Variants in RTF2 observed in about 807,000 individuals in gnomAD.
RTF2 encodes the protein UPF0549 protein C20orf43.
RTF2 carries 18 observed loss-of-function variants against 38.0 expected under a neutral mutation model. The ratio of observed to expected loss-of-function variants is 0.47; its 90% CI spans 0.33 to 0.70. RTF2 has a LOEUF of 0.70. Ranked by LOEUF, RTF2 falls within the 30% of genes least tolerant of loss-of-function variation. The probability of loss-of-function intolerance (pLI) is 0.02; values close to 1 mark genes in which losing one functional copy is unlikely to be tolerated. For synonymous variants in RTF2, 126 were observed against 137.1 expected (o/e 0.92, Z 0.57); for missense variants, 311 against 379.6 (o/e 0.82, Z 1.50).
intron 5 of RTF2, among the ~76,000 whole-genome samples, chr20:56,493,417 G>A (rs989378811): frequency 6.6e-6 from 1 of 152,084 alleles, no homozygotes; most frequent in Non-Finnish European, 1.5e-5. Flanking sequence ...CAGCACTTTG[G>A]GAGGCCAAAG....
At chr20:56,517,074 T>C in intron 7 of RTF2, 32 bp from the exon 8 acceptor site, 1 of 1,612,414 alleles carries the variant, frequency 6.2e-7, no homozygotes. Context: ...TTTTGCATTG[T>C]TTTTGCTTTG....
chr20:56,501,086 CA>C (rs1209487909), intron 5 of RTF2, among the ~76,000 whole-genome samples: 1 of 152,130 alleles, frequency 6.6e-6, no homozygotes, highest in Non-Finnish European at 1.5e-5. Flanking sequence ...TTAAGGCAGT[CA>C]GGCCCTCTAT....
At chr20:56,476,754 C>T (rs1225088848) in intron 3 of RTF2, among the ~76,000 whole-genome samples, 1 of 152,148 alleles carries the variant, frequency 6.6e-6, no homozygotes, top group East Asian at 1.9e-4. Context: ...CTGCCTCGGC[C>T]TCCCAAAGTG....
At chr20:56,503,596 C>T (rs1984063456) in intron 5 of RTF2, among the ~76,000 whole-genome samples, 2 of 152,226 alleles carry the variant, frequency 1.3e-5, no homozygotes, top group South Asian at 4.1e-4. Flanking sequence ...CCTGCAACAC[C>T]GACATTTCAA....
chr20:56,478,255 G>A (rs1203963728), intron 4 of RTF2, among the ~76,000 whole-genome samples: 5 of 152,196 alleles, frequency 3.3e-5, no homozygotes, highest in Non-Finnish European at 7.4e-5. Flanking sequence ...TTGGGAGGCC[G>A]AGACAGGAGG....
intron 3 of RTF2, among the ~76,000 whole-genome samples, chr20:56,476,493 TTC>T (rs1367176978): frequency 1.8e-5 from 2 of 113,224 alleles, no homozygotes; most frequent in Admixed American, 1.1e-4. Flanking sequence ...AAATCTTGTT[TTC>T]TGTTTTCTTT....
rs372127038 is a variant in RTF2, at chr20:56,513,619, G to A, written c.591+191G>A. 7.9e-5 allele frequency among the ~76,000 whole-genome samples: 12 copies of A among 152,260 alleles called. 1 individual carries two copies. Among genetic ancestry groups the A allele is most frequent in the East Asian group, 1.9e-4 (1 of 5,180 alleles). The stretch of plus-strand genomic sequence containing the variant: ...ACTGCCTTGCTGTGGTGAGCACGGC[G>A]GCTCTGCTCTTCCCCGCCGAGCTTT... On this transcript the variant is annotated intron_variant, in intron 6 of 8. Coordinates refer to ENST00000357348, the MANE Select transcript of RTF2 (RefSeq NM_016407.5).
At chr20:56,500,463 G>A (rs1035173713) in intron 5 of RTF2, among the ~76,000 whole-genome samples, 70 of 152,192 alleles carry the variant, frequency 4.6e-4, no homozygotes, top group Non-Finnish European at 1.0e-4. Flanking sequence ...TTGGCTGTGC[G>A]CCGAGCCCAG....
At chr20:56,474,622 C>G (rs1600793775) in intron 2 of RTF2, 56 bp from the exon 3 acceptor site, 1 of 1,110,514 alleles carries the variant, frequency 9.0e-7, no homozygotes, top group East Asian at 2.5e-5. Flanking sequence ...ATTCTTCCTT[C>G]TTTGGTTATT....
At chr20:56,495,890 C>T (rs6064405) in intron 5 of RTF2, among the ~76,000 whole-genome samples, 38 of 152,064 alleles carry the variant, frequency 2.5e-4, no homozygotes, top group Middle Eastern at 3.4e-3. Flanking sequence ...TCTCAGAGAA[C>T]CCATCTGAAG....
At chr20:56,482,533 G>A (rs1171449676) in intron 4 of RTF2, among the ~76,000 whole-genome samples, 1 of 152,212 alleles carries the variant, frequency 6.6e-6, no homozygotes, top group South Asian at 2.1e-4. Flanking sequence ...AGTAAAGTTT[G>A]TATAATAAAG....
Position 56,472,042 on chromosome 20 carries a change from CAG to C in RTF2, c.70-1258_70-1257del, listed in dbSNP as rs1340841239. Among the ~76,000 whole-genome samples, 5 of 152,238 alleles carry C rather than the reference CAG, an allele frequency of 3.3e-5. No individual in the cohort carries two copies. In the East Asian group the frequency reaches 9.6e-4, roughly 29 times the overall value. On this transcript the variant is annotated intron_variant, in intron 1 of 8. Coordinates refer to ENST00000357348, the MANE Select transcript of RTF2 (RefSeq NM_016407.5). ...CAGTTGGAGAACAGCCTGGGCAACA[CAG>C]GGAGACCTCTTAACAAAAATAAAAT...
chr20:56,491,990 T>C (rs1274536275), intron 5 of RTF2, among the ~76,000 whole-genome samples: 1 of 152,172 alleles, frequency 6.6e-6, no homozygotes, highest in African/African-American at 2.4e-5. Context: ...TTTCATTCTT[T>C]TAGTGATTTC....
At chr20:56,494,237 A>G (rs577630786) in intron 5 of RTF2, among the ~76,000 whole-genome samples, 3 of 152,350 alleles carry the variant, frequency 2.0e-5, no homozygotes, top group Admixed American at 1.3e-4. Flanking sequence ...TAGTGATGTT[A>G]AGAACTTTCT....
chr20:56,497,646 A>C (rs1297716377), intron 5 of RTF2: 1 of 1,226,836 alleles, frequency 8.2e-7, no homozygotes, highest in South Asian at 1.5e-5. Context: ...ACCATAATTT[A>C]AGTATTTTTT....
intron 1 of RTF2, among the ~76,000 whole-genome samples, chr20:56,472,570 G>A (rs1041663453): frequency 4.8e-5 from 6 of 124,322 alleles, no homozygotes; most frequent in Non-Finnish European, 9.9e-5. Flanking sequence ...TCTTTGTTCT[G>A]AACTTTAAAA....
intron 5 of RTF2, among the ~76,000 whole-genome samples, chr20:56,489,299 C>G (rs1042574009): frequency 6.6e-6 from 1 of 151,026 alleles, no homozygotes; most frequent in Non-Finnish European, 1.5e-5. Flanking sequence ...CTCCTGACCT[C>G]GTGATCCACC....
intron 4 of RTF2, among the ~76,000 whole-genome samples, chr20:56,482,380 T>C (rs1226998094): frequency 6.6e-6 from 1 of 152,268 alleles, no homozygotes; most frequent in Non-Finnish European, 1.5e-5. Context: ...TACTGTATTG[T>C]TTAAGGAATA....
chr20:56,491,659 C>T (rs985328547), intron 5 of RTF2: 16 of 1,552,036 alleles, frequency 1.0e-5, no homozygotes, highest in African/African-American at 1.4e-5. Context: ...TGTGCCGCCG[C>T]TCTAAGCAGG....
Sources: gnomAD v4.1 joint callset for allele counts (sites outside exome capture counted in the v4.1 genomes callset) on GRCh38, gnomAD v4.1.1 for gene constraint, MANE v1.5 for transcripts, NCBI Gene and HGNC (gene_info 2026-07-23, HGNC 2026-07-21) for gene names.